Variants in NCAM2 observed in about 807,000 individuals in gnomAD.
NCAM2 encodes the protein N-CAM-2.
A neutral mutation model predicts 98.1 loss-of-function variants in NCAM2; 30 were observed. The observed-to-expected ratio is 0.31, with a 90% CI of 0.23 to 0.41. The LOEUF (loss-of-function observed/expected upper bound fraction) is 0.41, where lower values mean the gene tolerates loss of function less well. NCAM2 is among the 10% of genes least tolerant of loss of function. The pLI, the probability that NCAM2 is intolerant of heterozygous loss-of-function variation, is 1.00. For missense variants in NCAM2, 867 were observed against 1,005.8 expected (o/e 0.86, Z 1.87); for synonymous variants, 368 against 342.4 (o/e 1.07, Z -0.83).
At chr21:21,136,462 CTCTTT>C (rs1212308044) in intron 1 of NCAM2, among the ~76,000 whole-genome samples, 3 of 118,230 alleles carry the variant, frequency 2.5e-5, no homozygotes, top group African/African-American at 1.1e-4. Context: ...CTCAATTTAT[CTCTTT>C]TTTTTTTTTT....
At chr21:21,146,464 A>C (rs1470902282) in intron 1 of NCAM2, among the ~76,000 whole-genome samples, 1 of 150,822 alleles carries the variant, frequency 6.6e-6, no homozygotes, top group African/African-American at 2.4e-5. Flanking sequence ...AGCATTTTCC[A>C]GAGAAACAGA....
intron 1 of NCAM2, among the ~76,000 whole-genome samples, chr21:21,252,429 A>G (rs1327514038): frequency 6.6e-6 from 1 of 150,774 alleles, no homozygotes; most frequent in Non-Finnish European, 1.5e-5. Context: ...ATAATCAATT[A>G]TTATAACCCA....
intron 1 of NCAM2, among the ~76,000 whole-genome samples, chr21:21,105,838 T>A (rs1477343823): frequency 6.6e-6 from 1 of 152,124 alleles, no homozygotes; most frequent in African/African-American, 2.4e-5. Context: ...GTTTGCAATA[T>A]TAATGAACAC....
At position 21,166,099 on chromosome 21, in the gene NCAM2, A is replaced by G. The variant is rs1466558976; in HGVS notation, c.56-114479A>G. ...GCTTTTCAGGCACCAAAACAAGGCA[A>G]TACATATTTGTACAAAGAACACATT... On this transcript the variant is annotated intron_variant, in intron 1 of 17. Coordinates refer to ENST00000400546, the MANE Select transcript of NCAM2 (RefSeq NM_004540.5). Among the ~76,000 whole-genome samples, 3 of 152,214 alleles carry G rather than the reference A, an allele frequency of 2.0e-5. No homozygotes were observed. In the East Asian group the frequency reaches 5.8e-4, roughly 29 times the overall value.
intron 1 of NCAM2, among the ~76,000 whole-genome samples, chr21:21,129,422 G>A (rs2066891270): frequency 6.6e-6 from 1 of 152,098 alleles, no homozygotes; most frequent in South Asian, 2.1e-4. Context: ...AGATTTTTAA[G>A]TTGCTTGCAA....
chr21:21,356,984 C>CATTA (rs1414319860), intron 8 of NCAM2, among the ~76,000 whole-genome samples: 1 of 73,528 alleles, frequency 1.4e-5, no homozygotes, highest in Non-Finnish European at 2.5e-5. Context: ...AGCGAAACTC[C>CATTA]ATCAATAAAT....
chr21:21,336,523 A>C (rs2074874712), intron 7 of NCAM2, among the ~76,000 whole-genome samples: 1 of 152,036 alleles, frequency 6.6e-6, no homozygotes, highest in Non-Finnish European at 1.5e-5. Context: ...TATGTAACTA[A>C]CCTGCACGTT....
At position 21,335,555 on chromosome 21, in the gene NCAM2, A is replaced by T. The variant is rs1013763629; in HGVS notation, c.788A>T (p.Asn263Ile). The change falls in exon 7 of 18, where the codon AAT becomes ATT. Residue 263 changes from asparagine (N) to isoleucine (I), a missense_variant. This residue lies in a region of NCAM2 where 447 missense variants were observed against 495.7 expected (regional missense o/e 0.90). Transcript: ENST00000400546. ...ENEKYILKGS[N>I]TELTVRNIIN... is the part of the protein sequence containing the mutation. The stretch of plus-strand genomic sequence containing the variant: ...GAGAAGTACATATTGAAAGGGAGCA[A>T]TACAGAACTCACTGTCAGGAACATA... 1 of 1,611,292 alleles carries T rather than the reference A, an allele frequency of 6.2e-7. No individual in the cohort carries two copies. Among genetic ancestry groups the T allele is most frequent in the Non-Finnish European group, 8.5e-7 (1 of 1,178,572 alleles).
intron 15 of NCAM2, among the ~76,000 whole-genome samples, chr21:21,505,211 G>A (rs1003510685): frequency 6.6e-6 from 1 of 151,912 alleles, no homozygotes; most frequent in African/African-American, 2.4e-5. Flanking sequence ...TAATAAAATA[G>A]GGCTCCTATA....
At chr21:21,468,920 G>C in intron 14 of NCAM2, 137 bp downstream of exon 14, 1 of 745,462 alleles carries the variant, frequency 1.3e-6, no homozygotes, top group Non-Finnish European at 2.0e-6. Flanking sequence ...TTCCATTCCT[G>C]ACAGTCATCA....
chr21:21,044,170 C>T lies in NCAM2; in HGVS notation c.55+45552C>T, dbSNP rs980651891. On this transcript the variant is annotated intron_variant, in intron 1 of 17. Coordinates refer to ENST00000400546, the MANE Select transcript of NCAM2 (RefSeq NM_004540.5). The stretch of plus-strand genomic sequence containing the variant: ...TATCCTAAGGGTATGTATTTCATAG[C>T]TTTGAAGATCTTTAAAAGTATCTTA... Among the ~76,000 whole-genome samples, 12 of 152,210 alleles carry T rather than the reference C, an allele frequency of 7.9e-5. No homozygotes were observed. The South Asian group carries it at 2.1e-3, about 26-fold the overall frequency.
At chr21:21,258,305 A>G (rs1323427981) in intron 1 of NCAM2, among the ~76,000 whole-genome samples, 1 of 152,204 alleles carries the variant, frequency 6.6e-6, no homozygotes, top group East Asian at 1.9e-4. Context: ...GACTAGGAAC[A>G]TCAGATGCCA....
chr21:21,496,644 T>C (rs1602500971), intron 15 of NCAM2, among the ~76,000 whole-genome samples: 1 of 151,998 alleles, frequency 6.6e-6, no homozygotes, highest in Non-Finnish European at 1.5e-5. Context: ...ATTTTTTGTT[T>C]TGTTGCTATT....
At chr21:21,256,947 G>A (rs918593867) in intron 1 of NCAM2, among the ~76,000 whole-genome samples, 10 of 152,174 alleles carry the variant, frequency 6.6e-5, no homozygotes, top group South Asian at 4.1e-4. Context: ...TTGCAGAGGC[G>A]TCTCTGATGA....
At chr21:21,256,023 G>A (rs963588128) in intron 1 of NCAM2, among the ~76,000 whole-genome samples, 12 of 152,146 alleles carry the variant, frequency 7.9e-5, no homozygotes, top group African/African-American at 2.9e-4. Context: ...ATAATGTAGT[G>A]TATACTGGGT....
At chr21:21,136,628 TTG>T in intron 1 of NCAM2, among the ~76,000 whole-genome samples, 1 of 146,824 alleles carries the variant, frequency 6.8e-6, no homozygotes. Flanking sequence ...CGCCTGTTTT[TTG>T]TTTTTTTTTT....
At chr21:21,342,155 C>T (rs539176645) in intron 8 of NCAM2, among the ~76,000 whole-genome samples, 3 of 152,154 alleles carry the variant, frequency 2.0e-5, no homozygotes, top group Non-Finnish European at 1.5e-5. Context: ...GCCCAACTAA[C>T]AATATGCTAA....
At chr21:21,378,594 G>A (rs1176143308) in intron 9 of NCAM2, among the ~76,000 whole-genome samples, 2 of 151,944 alleles carry the variant, frequency 1.3e-5, no homozygotes, top group Non-Finnish European at 2.9e-5. Flanking sequence ...TGTGTGGTTT[G>A]CAAATATTTT....
chr21:21,287,776 C>A (rs1283043091), intron 4 of NCAM2, among the ~76,000 whole-genome samples: 2 of 151,910 alleles, frequency 1.3e-5, no homozygotes, highest in Admixed American at 6.6e-5. Context: ...ATTTCCCCAG[C>A]ATCCCAGGAC....
Sources: allele counts gnomAD v4.1 joint callset (sites outside exome capture counted in the v4.1 genomes callset), GRCh38; gene constraint gnomAD v4.1.1; regional missense constraint gnomAD v4.1.1; transcripts MANE v1.5; gene names NCBI Gene and HGNC (gene_info 2026-07-23, HGNC 2026-07-21).